PHLDB2: variants seen among roughly 807,000 people sequenced by gnomAD.
PHLDB2 encodes pleckstrin homology-like domain family B member 2.
In PHLDB2, 71 loss-of-function variants were observed where a neutral mutation model predicts 123.6. The ratio of observed to expected loss-of-function variants is 0.57; its 90% CI spans 0.47 to 0.70. The LOEUF (loss-of-function observed/expected upper bound fraction) is 0.70, where lower values mean the gene tolerates loss of function less well. PHLDB2 is among the 30% of genes least tolerant of loss of function. The pLI is 0.00. For synonymous variants in PHLDB2, 547 were observed against 541.6 expected, an observed-to-expected ratio of 1.01 and a Z score of -0.14; for missense variants, 1,446 against 1,519.5, an observed-to-expected ratio of 0.95 and a Z score of 0.80.
chr3:111,896,669 T>C (rs2066891960), intron 2 of PHLDB2, among the ~76,000 whole-genome samples: 1 of 151,764 alleles, frequency 6.6e-6, no homozygotes, highest in Non-Finnish European at 1.5e-5. Flanking sequence ...CTAATTCTTA[T>C]AATGTGAATT....
chr3:111,965,424 T>C (rs1443831865), intron 13 of PHLDB2, among the ~76,000 whole-genome samples: 1 of 152,350 alleles, frequency 6.6e-6, no homozygotes, highest in African/African-American at 2.4e-5. Context: ...TCAACAGAAC[T>C]CTTAGCCCTA....
chr3:111,757,995 G>A (rs1475737283), intron 1 of PHLDB2, among the ~76,000 whole-genome samples: 1 of 152,134 alleles, frequency 6.6e-6, no homozygotes, highest in East Asian at 1.9e-4. Context: ...GCCGTGTGAG[G>A]TGTCAGTCTG....
chr3:111,827,377 C>G (rs1559852313), intron 1 of PHLDB2, among the ~76,000 whole-genome samples: 1 of 152,166 alleles, frequency 6.6e-6, no homozygotes, highest in Non-Finnish European at 1.5e-5. Context: ...TGTTATGACT[C>G]GGTTAAGGAA....
At chr3:111,859,620 G>A in intron 1 of PHLDB2, 44 bp downstream of exon 1, 1 of 985,110 alleles carries the variant, frequency 1.0e-6, no homozygotes, top group East Asian at 1.1e-4. Flanking sequence ...GGGTGGTGCC[G>A]ACTCCGTGTG....
chr3:111,861,586 C>T (rs2064838382), intron 1 of PHLDB2, among the ~76,000 whole-genome samples: 1 of 152,182 alleles, frequency 6.6e-6, no homozygotes, highest in Non-Finnish European at 1.5e-5. Context: ...TTTTATGCAG[C>T]TGGCAGCTGC....
intron 2 of PHLDB2, chr3:111,845,963 A>C: frequency 6.2e-7 from 1 of 1,603,590 alleles, no homozygotes; most frequent in Non-Finnish European, 8.5e-7. Context: ...AGAGGTTTTC[A>C]GTACATATTT....
At chr3:111,815,540 T>C (rs1406727839) in intron 1 of PHLDB2, among the ~76,000 whole-genome samples, 1 of 152,138 alleles carries the variant, frequency 6.6e-6, no homozygotes, top group African/African-American at 2.4e-5. Flanking sequence ...TGGTGACATT[T>C]TGCACCTTCC....
chr3:111,782,019 T>A (rs2060494182), intron 1 of PHLDB2, among the ~76,000 whole-genome samples: 1 of 152,060 alleles, frequency 6.6e-6, no homozygotes, highest in South Asian at 2.1e-4. Context: ...GCCTTATCTC[T>A]ATTTCCCTCA....
rs59034498 is a variant in PHLDB2, at chr3:111,941,809, A to AAAAACAAAACAAAACAAAAC, written c.2397+1174_2397+1193dup. ...GCAACAGAGTGAGACCCTGTCTCAAAAAAACAAAACAAAACAAAACAAAAC... is the reference window on the plus strand; with the variant it reads ...GCAACAGAGTGAGACCCTGTCTCAAAAAAACAAAACAAAACAAAACAAAACAAAACAAAACAAAACAAAAC... On this transcript the variant is annotated intron_variant, in intron 8 of 17. Coordinates refer to ENST00000431670, the MANE Select transcript of PHLDB2 (RefSeq NM_001134438.2). Among the ~76,000 whole-genome samples, 126 of 150,732 alleles carry AAAAACAAAACAAAACAAAAC rather than the reference A, an allele frequency of 8.4e-4. 2 individuals are homozygous for AAAAACAAAACAAAACAAAAC. Among genetic ancestry groups the AAAAACAAAACAAAACAAAAC allele is most frequent in the African/African-American group, 2.0e-3 (84 of 41,014 alleles).
At chr3:111,801,397 C>A (rs1212717649) in intron 1 of PHLDB2, among the ~76,000 whole-genome samples, 2 of 152,118 alleles carry the variant, frequency 1.3e-5, no homozygotes, top group Non-Finnish European at 1.5e-5. Flanking sequence ...GATACAAAGA[C>A]CTCAAAATTT....
chr3:111,780,104 G>T (rs942707392), intron 1 of PHLDB2, among the ~76,000 whole-genome samples: 2 of 151,356 alleles, frequency 1.3e-5, no homozygotes, highest in Non-Finnish European at 2.9e-5. Flanking sequence ...TAGCTCTTCT[G>T]TGGTTTGGAA....
intron 1 of PHLDB2, among the ~76,000 whole-genome samples, chr3:111,756,521 T>C (rs1164286531): frequency 4.6e-5 from 7 of 152,340 alleles, no homozygotes; most frequent in African/African-American, 1.2e-4. Flanking sequence ...CTCCATCCTT[T>C]TATTTTGAGC....
intron 1 of PHLDB2, among the ~76,000 whole-genome samples, chr3:111,839,940 C>CTTGTTTT (rs2063601622): frequency 1.5e-5 from 1 of 64,940 alleles, no homozygotes; most frequent in African/African-American, 6.6e-5. Context: ...CCCACCCCCG[C>CTTGTTTT]TTTTTTTTTT....
chr3:111,735,430 C>G (rs1303710696), intron 1 of PHLDB2, among the ~76,000 whole-genome samples: 1 of 152,172 alleles, frequency 6.6e-6, no homozygotes, highest in East Asian at 1.9e-4. Flanking sequence ...CATTAGCTGT[C>G]TGTCATAAAT....
intron 2 of PHLDB2, among the ~76,000 whole-genome samples, chr3:111,850,689 A>G (rs1170433846): frequency 1.3e-5 from 2 of 152,106 alleles, no homozygotes; most frequent in East Asian, 3.9e-4. Flanking sequence ...GCTTGAGTCC[A>G]GGTTTCAAGT....
intron 1 of PHLDB2, among the ~76,000 whole-genome samples, chr3:111,735,874 T>C (rs113130242): frequency 8.6e-4 from 131 of 152,298 alleles, no homozygotes; most frequent in South Asian, 2.1e-3. Context: ...AAAATTTGAG[T>C]TGGGATCTGA....
chr3:111,806,960 A>G (rs999179284), intron 1 of PHLDB2, among the ~76,000 whole-genome samples: 8 of 151,820 alleles, frequency 5.3e-5, no homozygotes, highest in Admixed American at 4.6e-4. Context: ...TAAGATGAAG[A>G]AGTTCTAGTT....
chr3:111,970,224 T>G lies in PHLDB2; in HGVS notation c.3535+315T>G, dbSNP rs79228209. Among the ~76,000 whole-genome samples the G allele has an allele frequency of 2.9e-3, 445 of 152,332 alleles. 3 individuals carry two copies. The highest frequency in any genetic ancestry group is 4.5e-3 in the Non-Finnish European group (307 of 68,020). ...TTTAGATCAAAATATTTCCTTTTAT[T>G]TGTTTTTCTGTTTTAATCCATTCTT... is the stretch of plus-strand genomic sequence containing the variant. On this transcript the variant is annotated intron_variant, in intron 16 of 17. Coordinates refer to ENST00000431670, the MANE Select transcript of PHLDB2 (RefSeq NM_001134438.2).
intron 1 of PHLDB2, among the ~76,000 whole-genome samples, chr3:111,760,332 C>T (rs1371122315): frequency 6.6e-6 from 1 of 152,102 alleles, no homozygotes; most frequent in East Asian, 1.9e-4. Context: ...TCCAAAGATC[C>T]CTCAAACCAA....
Sources: allele counts gnomAD v4.1 joint callset (sites outside exome capture counted in the v4.1 genomes callset), GRCh38; gene constraint gnomAD v4.1.1; transcripts MANE v1.5; gene names NCBI Gene and HGNC (gene_info 2026-07-23, HGNC 2026-07-21).